Variants in PEAK1 observed in about 807,000 individuals in gnomAD.
PEAK1 encodes inactive tyrosine-protein kinase PEAK1.
Under a neutral mutation model 124.7 loss-of-function variants are expected in PEAK1, and 54 were observed. That is an observed-to-expected ratio of 0.43 (90% CI 0.35 to 0.54). The LOEUF is 0.54. PEAK1 is among the 20% of genes least tolerant of loss of function. The pLI is 0.01. For missense variants in PEAK1, 2,046 were observed against 2,134.5 expected (o/e 0.96, Z 0.82); for synonymous variants, 719 against 760.0 (o/e 0.95, Z 0.89).
intron 1 of PEAK1, among the ~76,000 whole-genome samples, chr15:77,373,269 G>A (rs769394407): frequency 1.3e-5 from 2 of 152,020 alleles, no homozygotes; most frequent in Non-Finnish European, 2.9e-5. Context: ...CCTTAAACCT[G>A]TCTGGCAAGT....
At chr15:77,256,833 G>A (rs995640376) in intron 5 of PEAK1, among the ~76,000 whole-genome samples, 1 of 151,680 alleles carries the variant, frequency 6.6e-6, no homozygotes, top group East Asian at 1.9e-4. Context: ...CCATTAACTC[G>A]TCATTTAGCA....
chr15:77,126,019 C>G (rs1349413504), intron 9 of PEAK1, among the ~76,000 whole-genome samples: 1 of 152,174 alleles, frequency 6.6e-6, no homozygotes, highest in Non-Finnish European at 1.5e-5. Flanking sequence ...AGATGAATAA[C>G]TAAGGATACC....
At position 77,283,090 on chromosome 15, in the gene PEAK1, G is replaced by A. The variant is rs1370691565; in HGVS notation, c.-275+793C>T. ...TGGAGCTCTGTAGGGCAGGGCATCA[G>A]GAAAGAACATCAGCAGCTGGGCAAG... is the stretch of plus-strand genomic sequence containing the variant. On this transcript the variant is annotated intron_variant, in intron 5 of 9. Transcript: ENST00000682557. Among the ~76,000 whole-genome samples the A allele has an allele frequency of 2.0e-5, 3 of 152,120 alleles. 1 individual carries two copies. The highest frequency in any genetic ancestry group is 6.3e-3 in the Middle Eastern group (2 of 316).
At chr15:77,349,486 A>G in intron 2 of PEAK1, 1 of 985,158 alleles carries the variant, frequency 1.0e-6, no homozygotes, top group Non-Finnish European at 1.2e-6. Context: ...CTATTTCCCA[A>G]AGCTCAATTG....
chr15:77,188,439 T>A (rs2057661410), intron 6 of PEAK1, among the ~76,000 whole-genome samples: 1 of 152,204 alleles, frequency 6.6e-6, no homozygotes, highest in South Asian at 2.1e-4. Context: ...CTACTACTAA[T>A]AATAATTATT....
intron 9 of PEAK1, among the ~76,000 whole-genome samples, 183 bp downstream of exon 9, chr15:77,132,822 C>G (rs772317534): frequency 6.6e-6 from 1 of 151,346 alleles, no homozygotes; most frequent in Admixed American, 6.6e-5. Flanking sequence ...TGTTAAGTTA[C>G]GTATCTGTTT....
At chr15:77,323,358 T>C (rs1302299875) in intron 2 of PEAK1, among the ~76,000 whole-genome samples, 1 of 152,138 alleles carries the variant, frequency 6.6e-6, no homozygotes, top group East Asian at 1.9e-4. Context: ...TGTTTGCAGA[T>C]GACATGATTG....
chr15:77,248,698 T>C (rs1409913627), intron 6 of PEAK1, among the ~76,000 whole-genome samples: 2 of 152,224 alleles, frequency 1.3e-5, no homozygotes, highest in Non-Finnish European at 2.9e-5. Context: ...AAATTTCTGT[T>C]GTTTTCAAGC....
chr15:77,212,151 C>T (rs1466501577), intron 6 of PEAK1, among the ~76,000 whole-genome samples: 3 of 151,978 alleles, frequency 2.0e-5, no homozygotes, highest in Non-Finnish European at 2.9e-5. Context: ...TTTTCATTTC[C>T]ATTTTATAGA....
At chr15:77,390,345 T>C (rs879377998) in intron 1 of PEAK1, among the ~76,000 whole-genome samples, 48 of 152,348 alleles carry the variant, frequency 3.2e-4, no homozygotes, top group Admixed American at 1.3e-3. Flanking sequence ...TTAAAAATCA[T>C]GACACTGTCA....
intron 7 of PEAK1, among the ~76,000 whole-genome samples, chr15:77,168,235 G>GCACA (rs768288460): frequency 2.4e-3 from 141 of 59,640 alleles, no homozygotes; most frequent in African/African-American, 7.5e-3. Flanking sequence ...GCATGTGCGC[G>GCACA]CGCACACACA....
At chr15:77,282,573 T>C (rs910448592) in intron 5 of PEAK1, among the ~76,000 whole-genome samples, 77 of 152,296 alleles carry the variant, frequency 5.1e-4, no homozygotes, top group African/African-American at 1.8e-3. Flanking sequence ...TGCAGTTGAC[T>C]CTAGATCAGG....
At chr15:77,369,277 C>T (rs550768061) in intron 1 of PEAK1, among the ~76,000 whole-genome samples, 2 of 152,262 alleles carry the variant, frequency 1.3e-5, no homozygotes, top group East Asian at 1.9e-4. Flanking sequence ...AAAGACAGCA[C>T]AAACCCAAAA....
At chr15:77,363,643 A>T (rs1292128612) in intron 2 of PEAK1, among the ~76,000 whole-genome samples, 1 of 152,140 alleles carries the variant, frequency 6.6e-6, no homozygotes, top group Non-Finnish European at 1.5e-5. Context: ...CTAATTCGGT[A>T]AGTGATTAAA....
At chr15:77,146,182 C>T (rs529744625) in intron 8 of PEAK1, among the ~76,000 whole-genome samples, 1 of 152,130 alleles carries the variant, frequency 6.6e-6, no homozygotes, top group Admixed American at 6.5e-5. Context: ...ATTGGCTGAA[C>T]CTAGCGCTCA....
intron 1 of PEAK1, chr15:77,417,518 T>A (rs897809334): frequency 1.0e-6 from 1 of 984,674 alleles, no homozygotes; most frequent in African/African-American, 1.8e-5. Flanking sequence ...AATGACAGAA[T>A]AACGCTCATC....
intron 6 of PEAK1, among the ~76,000 whole-genome samples, chr15:77,184,757 C>T (rs368139237): frequency 6.6e-6 from 1 of 152,088 alleles, no homozygotes; most frequent in Non-Finnish European, 1.5e-5. Context: ...ATTAGCCAGG[C>T]ATGGTGGTGT....
intron 7 of PEAK1, among the ~76,000 whole-genome samples, chr15:77,165,776 A>C (rs1025414762): frequency 3.3e-5 from 5 of 152,330 alleles, no homozygotes; most frequent in African/African-American, 1.2e-4. Context: ...TAATTCATGA[A>C]AACTCTTCAG....
chr15:77,352,634 A>G (rs976790061), intron 2 of PEAK1: 2 of 955,414 alleles, frequency 2.1e-6, no homozygotes, highest in African/African-American at 1.8e-5. Flanking sequence ...GAATAACTGA[A>G]TATTTCTGCC....
Sources: allele counts gnomAD v4.1 joint callset (sites outside exome capture counted in the v4.1 genomes callset), GRCh38; gene constraint gnomAD v4.1.1; transcripts MANE v1.5; gene names NCBI Gene and HGNC (gene_info 2026-07-23, HGNC 2026-07-21).